The following KCNMA1 variants were observed in gnomAD, a reference collection of about 807,000 sequenced individuals.
KCNMA1 encodes the protein Calcium-activated potassium channel subunit alpha-1.
Under a neutral mutation model 140.0 loss-of-function variants are expected in KCNMA1, and 29 were observed. The ratio of observed to expected loss-of-function variants is 0.21; its 90% CI spans 0.15 to 0.28. The LOEUF is 0.28. Among genes scored for constraint, KCNMA1 ranks in the 10% least tolerant of loss-of-function variants. The pLI, the probability that KCNMA1 is intolerant of heterozygous loss-of-function variation, is 1.00. For synonymous variants in KCNMA1, 612 were observed against 611.9 expected, an observed-to-expected ratio of 1.00 and a Z score of 0.00; for missense variants, 880 against 1,602.2, an observed-to-expected ratio of 0.55 and a Z score of 7.70.
chr10:76,914,166 G>A, intron 24 of KCNMA1: 1 of 1,490,544 alleles, frequency 6.7e-7, no homozygotes, highest in Non-Finnish European at 9.2e-7. Context: ...TAAGGGTTGG[G>A]GAAAGGGAGT....
rs1241479859 is a variant in KCNMA1, at chr10:77,201,791, T to G, written c.603-16875A>C. ...TGACTGGAGAGGTAATAAAACAAAT[T>G]TATGTGGGATAAAATGTCTTGGATC... On this transcript the variant is annotated intron_variant, in intron 3 of 27. Coordinates refer to ENST00000286628, the MANE Select transcript of KCNMA1 (RefSeq NM_001161352.2). Among the ~76,000 whole-genome samples, 3 of 152,084 alleles carry G rather than the reference T, an allele frequency of 2.0e-5. No homozygotes were observed. In the East Asian group the frequency reaches 5.8e-4, roughly 29 times the overall value.
chr10:77,082,090 G>A (rs919254429), intron 12 of KCNMA1, among the ~76,000 whole-genome samples: 8 of 137,848 alleles, frequency 5.8e-5, no homozygotes, highest in African/African-American at 1.4e-4. Flanking sequence ...GTGCAGTGGC[G>A]CGATCTTGGC....
chr10:77,072,327 C>T (rs2096244495), intron 14 of KCNMA1, among the ~76,000 whole-genome samples: 1 of 152,198 alleles, frequency 6.6e-6, no homozygotes, highest in South Asian at 2.1e-4. Flanking sequence ...TGACTGTTAT[C>T]CCAGGCTCCA....
chr10:77,409,979 C>G (rs1020547924), intron 1 of KCNMA1, among the ~76,000 whole-genome samples: 3 of 152,148 alleles, frequency 2.0e-5, no homozygotes, highest in Admixed American at 2.0e-4. Flanking sequence ...CAGAGCATTG[C>G]CTTTCTGAAA....
chr10:77,615,510 G>A (rs972264864), intron 1 of KCNMA1, among the ~76,000 whole-genome samples: 2 of 152,168 alleles, frequency 1.3e-5, no homozygotes, highest in Non-Finnish European at 2.9e-5. Context: ...GACTGCTGGA[G>A]CCACCAGGGA....
chr10:77,007,656 T>TATATATATATATATATATATAG, intron 18 of KCNMA1, among the ~76,000 whole-genome samples: 1 of 98,014 alleles, frequency 1.0e-5, no homozygotes, highest in Non-Finnish European at 2.4e-5. Context: ...TGTGTGTGTA[T>TATATATATATATATATATATAG]ATATATATAT....
chr10:77,496,455 G>A (rs1030375022), intron 1 of KCNMA1, among the ~76,000 whole-genome samples: 14 of 152,126 alleles, frequency 9.2e-5, no homozygotes, highest in Admixed American at 2.6e-4. Context: ...AAATTAGCCA[G>A]GTGTGGTGGC....
intron 23 of KCNMA1, chr10:76,939,834 C>T (rs2061521451): frequency 6.6e-6 from 1 of 152,320 alleles, no homozygotes; most frequent in African/African-American, 2.4e-5. Context: ...TCTGCTCACC[C>T]TTTCTTCCAA....
At position 77,306,273 on chromosome 10, in the gene KCNMA1, A is replaced by G. The variant is rs146703850; in HGVS notation, c.541-55017T>C. ...AGACAGACACTAAACAGAAAACTAC[A>G]TGGATAACACATGGGGGTTCATTAG... On this transcript the variant is annotated intron_variant, in intron 2 of 27. Coordinates refer to ENST00000286628, the MANE Select transcript of KCNMA1 (RefSeq NM_001161352.2). 4.6e-3 allele frequency among the ~76,000 whole-genome samples: 696 copies of G among 152,294 alleles called. 9 individuals carry two copies. The highest frequency in any genetic ancestry group is 0.016 in the African/African-American group (661 of 41,564).
intron 2 of KCNMA1, among the ~76,000 whole-genome samples, chr10:77,375,690 G>A (rs577286031): frequency 1.4e-4 from 22 of 152,366 alleles, no homozygotes; most frequent in African/African-American, 3.6e-4. Flanking sequence ...TGCTCAGCTC[G>A]TGAGAGGGTT....
At chr10:77,561,267 G>T (rs970407012) in intron 1 of KCNMA1, among the ~76,000 whole-genome samples, 3 of 152,120 alleles carry the variant, frequency 2.0e-5, no homozygotes, top group African/African-American at 7.2e-5. Flanking sequence ...ATAAAATAAA[G>T]TTCAGTGATA....
chr10:77,507,090 T>C (rs551218574), intron 1 of KCNMA1, among the ~76,000 whole-genome samples: 195 of 152,274 alleles, frequency 1.3e-3, no homozygotes, highest in African/African-American at 4.5e-3. Flanking sequence ...GTTTCCCAAA[T>C]GGGCAGGGGA....
intron 2 of KCNMA1, among the ~76,000 whole-genome samples, chr10:77,381,960 G>A (rs1474107419): frequency 6.6e-6 from 1 of 151,816 alleles, no homozygotes. Context: ...GGCCCTGAGA[G>A]GCGCCACCCA....
chr10:77,588,776 C>T lies in KCNMA1; in HGVS notation c.378+48489G>A, dbSNP rs918991370. Among the ~76,000 whole-genome samples, 3 of 152,232 alleles carry T rather than the reference C, an allele frequency of 2.0e-5. No homozygotes were observed. In the East Asian group the frequency reaches 5.8e-4, roughly 29 times the overall value. ...AGGAAACCTGGGGAAGCCAGAACAG[C>T]CATGTGGCTGGCGCTCATCTTTGAC... On this transcript the variant is annotated intron_variant, in intron 1 of 27. Coordinates refer to ENST00000286628, the MANE Select transcript of KCNMA1 (RefSeq NM_001161352.2).
At chr10:77,164,025 A>T (rs1233543746) in intron 5 of KCNMA1, among the ~76,000 whole-genome samples, 1 of 152,214 alleles carries the variant, frequency 6.6e-6, no homozygotes, top group Non-Finnish European at 1.5e-5. Flanking sequence ...CAGTTTTCTC[A>T]TCAGTAGAAT....
chr10:77,410,006 C>T (rs766597156), intron 1 of KCNMA1, among the ~76,000 whole-genome samples: 24 of 152,116 alleles, frequency 1.6e-4, no homozygotes, highest in Non-Finnish European at 2.4e-4. Context: ...GCTTTACAAA[C>T]GGCAGGCAAG....
chr10:77,634,319 T>C (rs1263217227), intron 1 of KCNMA1: 1 of 985,272 alleles, frequency 1.0e-6, no homozygotes, highest in East Asian at 1.1e-4. Flanking sequence ...CAGGAGGAAA[T>C]TGTAATGTTT....
At chr10:77,406,935 G>A (rs547299481) in intron 1 of KCNMA1, among the ~76,000 whole-genome samples, 62 of 152,132 alleles carry the variant, frequency 4.1e-4, no homozygotes, top group African/African-American at 8.7e-4. Context: ...AGAAATCAAC[G>A]TGAAAAAGGC....
At chr10:77,034,851 C>A (rs2094205927) in intron 15 of KCNMA1, among the ~76,000 whole-genome samples, 1 of 152,178 alleles carries the variant, frequency 6.6e-6, no homozygotes, top group Non-Finnish European at 1.5e-5. Context: ...GCTGTAAAAC[C>A]TGATACAATT....
Sources: gnomAD v4.1 joint callset for allele counts (sites outside exome capture counted in the v4.1 genomes callset) on GRCh38, gnomAD v4.1.1 for gene constraint, MANE v1.5 for transcripts, NCBI Gene and HGNC (gene_info 2026-07-23, HGNC 2026-07-21) for gene names.